MED25: variants seen among roughly 807,000 people sequenced by gnomAD.
The protein encoded by MED25 is mediator complex subunit 25, also known as mediator of RNA polymerase II transcription subunit 25.
A neutral mutation model predicts 89.4 loss-of-function variants in MED25; 62 were observed. That is an observed-to-expected ratio of 0.69 (90% CI 0.57 to 0.86). MED25 has a LOEUF of 0.86. MED25 is among the 40% of genes least tolerant of loss of function. The pLI, the probability that MED25 is intolerant of heterozygous loss-of-function variation, is 0.00. For synonymous variants in MED25, 449 were observed against 427.9 expected (o/e 1.05, Z -0.61); for missense variants, 905 against 1,005.2 (o/e 0.90, Z 1.35).
At chr19:49,838,988 G>A (rs1370484207), downstream of MED25, 4 of 344,918 alleles carry the variant, frequency 1.2e-5, no homozygotes, top group Non-Finnish European at 2.3e-5. Flanking sequence ...TGTTGAGACC[G>A]TTATTTAAGT....
chr19:49,831,220 TG>T lies in MED25; in HGVS notation c.1102-111del, dbSNP rs2074054311. The T allele has an allele frequency of 2.5e-6, 3 of 1,198,958 alleles. No individual in the cohort carries two copies. Among genetic ancestry groups the T allele is most frequent in the Non-Finnish European group, 3.5e-6 (3 of 855,522 alleles). The allele number at this position is 1,198,958 out of a possible 1,614,324, so 74.3% of individuals were successfully genotyped here. A position where few individuals can be genotyped will look rare whatever the true frequency, so the allele number is the denominator to read the frequency against. On this transcript the variant is annotated intron_variant, in intron 9 of 17. Coordinates refer to ENST00000312865, the MANE Select transcript of MED25 (RefSeq NM_030973.4). The surrounding 1 kb of genome is among the most constrained non-coding windows in gnomAD (Gnocchi z 5.0). ...GGCTGGCCAAGTGCTGTTCTGGGGATGGAGGGGCAGAAGAAGGGATCTTTCC... is the reference window on the plus strand; with the variant it reads ...GGCTGGCCAAGTGCTGTTCTGGGGATGAGGGGCAGAAGAAGGGATCTTTCC...
At chr19:49,826,184 T>A (rs940489036) in intron 3 of MED25, among the ~76,000 whole-genome samples, 1 of 148,050 alleles carries the variant, frequency 6.8e-6, no homozygotes, top group Admixed American at 6.6e-5. Context: ...ACTTAAAAAT[T>A]AAAAAAATTA....
In MED25 at chr19:49,829,479, A is replaced by G. The variant is rs1261484665; in HGVS notation, c.526-307A>G. 6.6e-6 allele frequency among the ~76,000 whole-genome samples: 1 copy of G among 152,090 alleles called. No homozygotes were observed. The highest frequency in any genetic ancestry group is 3.2e-3 in the Middle Eastern group (1 of 316). ...TCTTTAGTAGAGATGAGGTTTCACC[A>G]TGTTGGCCAGACTGCTCTCAAACTC... On this transcript the variant is annotated intron_variant, in intron 5 of 17. Coordinates refer to ENST00000312865, the MANE Select transcript of MED25 (RefSeq NM_030973.4). The surrounding 1 kb of genome is among the most constrained non-coding windows in gnomAD (Gnocchi z 4.6).
chr19:49,821,816 CAAAAAAAAAAA>C (rs35798804), intron 3 of MED25, among the ~76,000 whole-genome samples: 2 of 84,140 alleles, frequency 2.4e-5, no homozygotes, highest in African/African-American at 9.3e-5. Flanking sequence ...AATTCTGTCT[CAAAAAAAAAAA>C]AAAAAAAAAA....
Position 49,836,540 on chromosome 19 carries a change from C to T in MED25, c.2146+134C>T, listed in dbSNP as rs1482280643. ...AATGAGGGTTCCCCCATGGCCTTTG[C>T]GGAGCTCTGAGGGCTCCGGGAAAGT... On this transcript the variant is annotated intron_variant, in intron 17 of 17. Coordinates refer to ENST00000312865, the MANE Select transcript of MED25 (RefSeq NM_030973.4). This position sits in a 1 kb window ranked among gnomAD's most constrained non-coding sequence, Gnocchi z 5.1. The T allele has an allele frequency of 9.4e-6, 11 of 1,172,140 alleles. No individual in the cohort carries two copies. Among genetic ancestry groups the T allele is most frequent in the East Asian group, 2.5e-5 (1 of 39,240 alleles). The allele number at this position is 1,172,140 out of a possible 1,614,324, so 72.6% of individuals were successfully genotyped here.
In MED25 at chr19:49,829,974, GA is replaced by G; in HGVS notation, c.688+27del. ...GTGAGGCCTGGGCACCGTGCGCGGG[GA>G]TGGGGGCTCGACGTGTTTCCCCAGC... is the stretch of plus-strand genomic sequence containing the variant. On this transcript the variant is annotated intron_variant, in intron 6 of 17. Coordinates refer to ENST00000312865, the MANE Select transcript of MED25 (RefSeq NM_030973.4). The surrounding 1 kb of genome is among the most constrained non-coding windows in gnomAD (Gnocchi z 4.6). The G allele has an allele frequency of 6.2e-7, 1 of 1,603,100 alleles. No homozygotes were observed. Among genetic ancestry groups the G allele is most frequent in the Non-Finnish European group, 8.5e-7 (1 of 1,172,650 alleles).
At position 49,835,911 on chromosome 19, in the gene MED25, C is replaced by G. The variant is rs1156274135; in HGVS notation, c.1931C>G (p.Pro644Arg). Residue 644 changes from proline to arginine, a missense_variant, in exon 16 of 18, where the codon CCT becomes CGT. Coordinates refer to ENST00000312865, the MANE Select transcript of MED25 (RefSeq NM_030973.4). The surrounding 1 kb of genome is among the most constrained non-coding windows in gnomAD (Gnocchi z 6.2). ...ILRPQNPGAN[P>R]QLRSLLLNPP... ...CGGCCCCAGAACCCTGGGGCCAACC[C>G]TCAGCTGCGAAGCCTCCTCCTCAAC... is the stretch of plus-strand genomic sequence containing the variant. 1.9e-6 allele frequency: 3 copies of G among 1,612,804 alleles called. No individual in the cohort carries two copies. The highest frequency in any genetic ancestry group is 2.5e-6 in the Non-Finnish European group (3 of 1,179,976).
chr19:49,830,340 A>G lies in MED25; in HGVS notation c.819+122A>G. 8.3e-7 allele frequency: 1 copy of G among 1,200,796 alleles called. No homozygotes were observed. The highest frequency in any genetic ancestry group is 1.2e-6 in the Non-Finnish European group (1 of 834,934). The allele number at this position is 1,200,796 out of a possible 1,614,324, so 74.4% of individuals were successfully genotyped here. On this transcript the variant is annotated intron_variant, in intron 7 of 17. Transcript: ENST00000312865. This position sits in a 1 kb window ranked among gnomAD's most constrained non-coding sequence, Gnocchi z 4.6. ...ATGGGAGTCCCATGGGACATTGGGA[A>G]GGTGGGACTCTTGGGGCCATGGAAG... is the stretch of plus-strand genomic sequence containing the variant.
In MED25 at chr19:49,835,517, C is replaced by T; in HGVS notation, c.1675-17C>T. The T allele has an allele frequency of 2.6e-6, 4 of 1,536,986 alleles. No homozygotes were observed. Among genetic ancestry groups the T allele is most frequent in the Non-Finnish European group, 2.6e-6 (3 of 1,140,068 alleles). On this transcript the variant is annotated splice_polypyrimidine_tract_variant and intron_variant, in intron 14 of 17. Transcript: ENST00000312865. The surrounding 1 kb of genome is among the most constrained non-coding windows in gnomAD (Gnocchi z 6.2). Reference sequence around the variant, plus strand: ...CACCACCCTCAGTTACTGACCTGCCCCTCTCTCCCCGTGCAGATGGGGGGA... The same window carrying T: ...CACCACCCTCAGTTACTGACCTGCCTCTCTCTCCCCGTGCAGATGGGGGGA...
rs2074095608 is a variant in MED25 at position 49,836,072 on chromosome 19, G to A, written c.1965+127G>A. ...GAATGGGGACCCGCCCAGGGCTTTA[G>A]GCAGAAGGCAGACCGCCTCCTCTCC... is the stretch of plus-strand genomic sequence containing the variant. On this transcript the variant is annotated intron_variant, in intron 16 of 17. Coordinates refer to ENST00000312865, the MANE Select transcript of MED25 (RefSeq NM_030973.4). The surrounding 1 kb of genome is among the most constrained non-coding windows in gnomAD (Gnocchi z 5.1). The A allele has an allele frequency of 1.3e-6, 2 of 1,537,140 alleles. No homozygotes were observed. The highest frequency in any genetic ancestry group is 1.4e-5 in the African/African-American group (1 of 73,052).
rs897801306 is a variant in MED25 at position 49,832,093 on chromosome 19, C to T, written c.1317-7C>T. 5 of 1,613,500 alleles carry T rather than the reference C, an allele frequency of 3.1e-6. No individual in the cohort carries two copies. The African/African-American group carries it at 4.0e-5, about 13-fold the overall frequency. ...CCTCCTCACACCTCTCCTGGCATCG[C>T]CCCCAGGAAGACGGAGCAGTGGCCC... On this transcript the variant is annotated splice_polypyrimidine_tract_variant and splice_region_variant and intron_variant, in intron 11 of 17. Coordinates refer to ENST00000312865, the MANE Select transcript of MED25 (RefSeq NM_030973.4).
At chr19:49,840,046 C>T (rs1046958381), downstream of MED25, 9 of 152,308 alleles carry the variant, frequency 5.9e-5, no homozygotes, top group East Asian at 1.5e-3. Context: ...GGAGTACCCA[C>T]GCTTGTGAAC....
At chr19:49,821,057 G>T (rs112701535) in intron 3 of MED25, among the ~76,000 whole-genome samples, 1 of 152,220 alleles carries the variant, frequency 6.6e-6, no homozygotes, top group African/African-American at 2.4e-5. Context: ...CACAAGAGTG[G>T]CTTGGCTGGA....
chr19:49,824,457 C>T (rs1465157752), intron 3 of MED25, among the ~76,000 whole-genome samples: 1 of 152,044 alleles, frequency 6.6e-6, no homozygotes, highest in South Asian at 2.1e-4. Context: ...TGGTGGTGCA[C>T]ACCTGTAGTC....
chr19:49,819,087 C>G (rs1299935147), intron 2 of MED25, 85 bp from the exon 3 acceptor site: 5 of 1,529,168 alleles, frequency 3.3e-6, no homozygotes, highest in African/African-American at 1.4e-5. Context: ...TCTGGAGGAA[C>G]GGGAAGCTGG....
In MED25 at chr19:49,830,443, CGTGG is replaced by C; in HGVS notation, c.820-66_820-63del. The C allele has an allele frequency of 6.6e-7, 1 of 1,517,750 alleles. No individual in the cohort carries two copies. Among genetic ancestry groups the C allele is most frequent in the African/African-American group, 1.4e-5 (1 of 73,168 alleles). 94.0% of individuals were successfully genotyped at this position (1,517,750 alleles called of 1,614,324 possible). A position where few individuals can be genotyped will look rare whatever the true frequency, so the allele number is the denominator to read the frequency against. ...CATGGGGCCATGGGTGGTGTGACCTCGTGGGATACCAGGACTGGGGGGCCATGGT... is the reference window on the plus strand; with the variant it reads ...CATGGGGCCATGGGTGGTGTGACCTCGATACCAGGACTGGGGGGCCATGGT... On this transcript the variant is annotated intron_variant, in intron 7 of 17. Coordinates refer to ENST00000312865, the MANE Select transcript of MED25 (RefSeq NM_030973.4). The surrounding 1 kb of genome is among the most constrained non-coding windows in gnomAD (Gnocchi z 4.6).
At chr19:49,823,136 T>A (rs1296198561) in intron 3 of MED25, among the ~76,000 whole-genome samples, 1 of 152,128 alleles carries the variant, frequency 6.6e-6, no homozygotes, top group Non-Finnish European at 1.5e-5. Context: ...TTAATTCTTG[T>A]AGAGATGAGG....
chr19:49,836,324 G>A lies in MED25; in HGVS notation c.2064G>A (p.Gln688=), dbSNP rs754709746. ...LLPPPHQGLG[Q]PQLGPPLLHP... is the part of the protein sequence containing the mutation. The stretch of plus-strand genomic sequence containing the variant: ...CTCCGCCGCACCAGGGCCTGGGGCA[G>A]CCCCAGTTGGGGCCCCCACTCCTGC... The change falls in exon 17 of 18, where the codon CAG becomes CAA. Residue 688 remains glutamine (Q), a synonymous_variant. Transcript: ENST00000312865. This position sits in a 1 kb window ranked among gnomAD's most constrained non-coding sequence, Gnocchi z 5.1. 6.2e-7 allele frequency: 1 copy of A among 1,610,608 alleles called. No individual in the cohort carries two copies. Among genetic ancestry groups the A allele is most frequent in the East Asian group, 2.2e-5 (1 of 44,806 alleles).
intron 2 of MED25, 116 bp from the exon 3 acceptor site, chr19:49,819,056 G>A: frequency 7.8e-7 from 1 of 1,288,160 alleles, no homozygotes; most frequent in Non-Finnish European, 1.1e-6. Flanking sequence ...TGAGGAAGGA[G>A]GAAGCTGAGG....
Sources: allele counts gnomAD v4.1 joint callset (sites outside exome capture counted in the v4.1 genomes callset), GRCh38; gene constraint gnomAD v4.1.1; non-coding constraint Gnocchi (gnomAD v3.1); transcripts MANE v1.5; gene names NCBI Gene and HGNC (gene_info 2026-07-23, HGNC 2026-07-21).